The following PKIA variants were observed in gnomAD, a reference collection of about 807,000 sequenced individuals.
PKIA encodes the protein PKI-alpha.
A neutral mutation model predicts 7.6 loss-of-function variants in PKIA; 4 were observed. The ratio of observed to expected loss-of-function variants is 0.52; its 90% CI spans 0.26 to 1.20. The LOEUF (loss-of-function observed/expected upper bound fraction) is 1.20, where lower values mean the gene tolerates loss of function less well. Among genes scored for constraint, PKIA ranks in the 50% most tolerant of loss-of-function variants. PKIA has a pLI of 0.13. For missense variants in PKIA, 73 were observed against 86.2 expected (o/e 0.85, Z 0.61); for synonymous variants, 21 against 30.7 (o/e 0.68, Z 1.04).
chr8:78,579,277 A>T (rs1807750656), intron 2 of PKIA, among the ~76,000 whole-genome samples: 1 of 152,002 alleles, frequency 6.6e-6, no homozygotes, highest in South Asian at 2.1e-4. Flanking sequence ...CAATAGCCAG[A>T]ATAATCTTCC....
intron 1 of PKIA, among the ~76,000 whole-genome samples, chr8:78,536,334 T>G: frequency 6.6e-6 from 1 of 151,982 alleles, no homozygotes; most frequent in East Asian, 1.9e-4. Context: ...AAACATGATA[T>G]ATGTATTTTG....
rs1807585195 is a variant in PKIA, at chr8:78,572,817, G to C, written c.-150G>C. ...CTTGCTATCTGCATTTCAGTTTCCT[G>C]ACTTTCTGAGAAGCCCTGGTTTCCC... On this transcript the variant is annotated 5_prime_UTR_variant, in exon 2 of 4. Coordinates refer to ENST00000396418, the MANE Select transcript of PKIA (RefSeq NM_006823.4). The C allele has an allele frequency of 6.6e-6, 1 of 151,778 alleles. No homozygotes were observed. Among genetic ancestry groups the C allele is most frequent in the Non-Finnish European group, 1.5e-5 (1 of 67,940 alleles). The allele number at this position is 151,778 out of a possible 1,614,324, so 9.4% of individuals were successfully genotyped here. A position where few individuals can be genotyped will look rare whatever the true frequency, so the allele number is the denominator to read the frequency against.
chr8:78,519,551 C>T (rs961899526), intron 1 of PKIA, among the ~76,000 whole-genome samples: 11 of 152,134 alleles, frequency 7.2e-5, no homozygotes, highest in African/African-American at 2.7e-4. Context: ...ACCAGTGACT[C>T]CACTGAGAAT....
At chr8:78,577,982 G>A (rs1807715695) in intron 2 of PKIA, among the ~76,000 whole-genome samples, 1 of 151,704 alleles carries the variant, frequency 6.6e-6, no homozygotes, top group African/African-American at 2.4e-5. Flanking sequence ...TAATCCTCAT[G>A]AGTCTTATTT....
intron 1 of PKIA, among the ~76,000 whole-genome samples, chr8:78,546,434 C>T (rs1180067686): frequency 2.0e-5 from 3 of 152,098 alleles, no homozygotes; most frequent in Non-Finnish European, 4.4e-5. Context: ...ATGTAAACTT[C>T]TGTAGAGCTG....
At chr8:78,564,309 G>A (rs986618413) in intron 1 of PKIA, among the ~76,000 whole-genome samples, 17 of 151,958 alleles carry the variant, frequency 1.1e-4, no homozygotes, top group Non-Finnish European at 2.2e-4. Context: ...ATACAGATGT[G>A]CCCTGTCACG....
chr8:78,545,619 C>T lies in PKIA; in HGVS notation c.-156-27192C>T, dbSNP rs191572798. Among the ~76,000 whole-genome samples the T allele has an allele frequency of 9.4e-4, 143 of 152,164 alleles. 1 individual carries two copies. The highest frequency in any genetic ancestry group is 6.5e-4 in the Non-Finnish European group (44 of 67,982). On this transcript the variant is annotated intron_variant, in intron 1 of 3. Transcript: ENST00000396418. ...GATACCAGTCTGTCTTCCCTGAATACAAAAATTACATATTTAGTAACATTA... is the reference window on the plus strand; with the variant it reads ...GATACCAGTCTGTCTTCCCTGAATATAAAAATTACATATTTAGTAACATTA...
intron 2 of PKIA, among the ~76,000 whole-genome samples, chr8:78,582,281 A>G (rs539539301): frequency 1.3e-5 from 2 of 151,834 alleles, no homozygotes; most frequent in African/African-American, 4.8e-5. Context: ...TTTATGAAGG[A>G]AAGAGGTTTA....
intron 2 of PKIA, among the ~76,000 whole-genome samples, chr8:78,595,444 AC>A (rs2130269914): frequency 6.6e-6 from 1 of 152,218 alleles, no homozygotes; most frequent in Non-Finnish European, 1.5e-5. Context: ...TCACCTTCCA[AC>A]TTTTATTTTA....
intron 1 of PKIA, among the ~76,000 whole-genome samples, chr8:78,548,824 A>G (rs1806904655): frequency 6.6e-6 from 1 of 152,032 alleles, no homozygotes. Context: ...CCCACCAGTG[A>G]CTCTACATCT....
chr8:78,577,742 C>T (rs1807709890), intron 2 of PKIA, among the ~76,000 whole-genome samples: 1 of 151,968 alleles, frequency 6.6e-6, no homozygotes, highest in African/African-American at 2.4e-5. Flanking sequence ...AGAATGAAGA[C>T]CTTATCTGGT....
chr8:78,563,266 T>C (rs575250758), intron 1 of PKIA, among the ~76,000 whole-genome samples: 33 of 152,186 alleles, frequency 2.2e-4, no homozygotes, highest in Non-Finnish European at 4.7e-4. Context: ...GTGGGAATTA[T>C]ACAAGATGTA....
intron 1 of PKIA, among the ~76,000 whole-genome samples, chr8:78,528,917 T>C (rs1002136462): frequency 2.6e-5 from 4 of 152,104 alleles, no homozygotes; most frequent in African/African-American, 9.7e-5. Context: ...TTTGTATTAA[T>C]TTTAATACTA....
chr8:78,549,974 C>A (rs1806943233), intron 1 of PKIA, among the ~76,000 whole-genome samples: 1 of 152,068 alleles, frequency 6.6e-6, no homozygotes, highest in South Asian at 2.1e-4. Flanking sequence ...TCAGCAATTA[C>A]AATGACAAAA....
At chr8:78,577,378 G>A (rs905174560) in intron 2 of PKIA, among the ~76,000 whole-genome samples, 1 of 151,682 alleles carries the variant, frequency 6.6e-6, no homozygotes, top group African/African-American at 2.4e-5. Context: ...GAGCAGAAAA[G>A]ATAACTGTTG....
chr8:78,530,790 G>T (rs1806370669), intron 1 of PKIA, among the ~76,000 whole-genome samples: 1 of 151,926 alleles, frequency 6.6e-6, no homozygotes, highest in Admixed American at 6.6e-5. Context: ...GCAACCTAAT[G>T]GTAAGATGCA....
At chr8:78,596,499 A>G (rs1319329837) in intron 2 of PKIA, among the ~76,000 whole-genome samples, 5 of 152,174 alleles carry the variant, frequency 3.3e-5, no homozygotes, top group African/African-American at 1.2e-4. Context: ...TTGGCCTCCC[A>G]GAGTGCTGGG....
At position 78,553,533 on chromosome 8, in the gene PKIA, T is replaced by C. The variant is rs77329025; in HGVS notation, c.-156-19278T>C. 8.0e-3 allele frequency among the ~76,000 whole-genome samples: 1,210 copies of C among 152,156 alleles called. 11 individuals are homozygous for C. Among genetic ancestry groups the C allele is most frequent in the African/African-American group, 0.027 (1,124 of 41,552 alleles). Reference sequence around the variant, plus strand: ...TGACTGCTGTCTCTTATGTAAATACTAGAAGTAGTAGGCCTATTTACCAAC... The same window carrying C: ...TGACTGCTGTCTCTTATGTAAATACCAGAAGTAGTAGGCCTATTTACCAAC... On this transcript the variant is annotated intron_variant, in intron 1 of 3. Transcript: ENST00000396418.
At chr8:78,573,090 A>G (rs1208209961) in intron 2 of PKIA, among the ~76,000 whole-genome samples, 151 bp downstream of exon 2, 3 of 152,094 alleles carry the variant, frequency 2.0e-5, no homozygotes, top group African/African-American at 7.2e-5. Flanking sequence ...TTTATCAGAC[A>G]AAACCTTGGA....
Sources: allele counts gnomAD v4.1 joint callset (sites outside exome capture counted in the v4.1 genomes callset), GRCh38; gene constraint gnomAD v4.1.1; transcripts MANE v1.5; gene names NCBI Gene and HGNC (gene_info 2026-07-23, HGNC 2026-07-21).